Variants in COL12A1 observed in about 807,000 individuals in gnomAD.
COL12A1 encodes the protein collagen alpha-1(XII) chain.
COL12A1 carries 114 observed loss-of-function variants against 349.7 expected under a neutral mutation model. The ratio of observed to expected loss-of-function variants is 0.33; its 90% CI spans 0.28 to 0.38. The LOEUF is 0.38. COL12A1 is among the 10% of genes least tolerant of loss of function. COL12A1 has a pLI of 1.00. For missense variants in COL12A1, 3,284 were observed against 3,756.9 expected (o/e 0.87, Z 3.29); for synonymous variants, 1,369 against 1,329.0 (o/e 1.03, Z -0.66).
intron 49 of COL12A1, among the ~76,000 whole-genome samples, 177 bp downstream of exon 49, chr6:75,115,607 A>C (rs1014736421): frequency 6.6e-5 from 10 of 152,164 alleles, no homozygotes; most frequent in Non-Finnish European, 1.2e-4. Flanking sequence ...TCCTGTGTGC[A>C]AACAACTATG....
At position 75,184,036 on chromosome 6, in the gene COL12A1, G is replaced by A. The variant is rs1253680957; in HGVS notation, c.1106C>T (p.Thr369Ile). ...SPVTGYKVILTPMTAGSRQHA... is the reference protein window; with the variant it reads ...SPVTGYKVILIPMTAGSRQHA... ...CTGTCGGCTTCCTGCAGTCATTGGT[G>A]TGAGGATGACTTTGTAGCCAGTCAC... The change falls in exon 9 of 66, where the codon ACA becomes ATA. Residue 369 changes from threonine to isoleucine, a missense_variant. By Grantham distance (89) the Thr-to-Ile change is moderately conservative. This residue lies in a region of COL12A1 where 2,601 missense variants were observed against 2,824.8 expected (regional missense o/e 0.92). Coordinates refer to ENST00000322507, the MANE Select transcript of COL12A1 (RefSeq NM_004370.6). 11 of 1,614,162 alleles carry A rather than the reference G, an allele frequency of 6.8e-6. No homozygotes were observed. Among genetic ancestry groups the A allele is most frequent in the South Asian group, 1.1e-5 (1 of 91,082 alleles).
intron 59 of COL12A1, 65 bp downstream of exon 59, chr6:75,097,188 A>C: frequency 7.3e-7 from 1 of 1,370,432 alleles, no homozygotes; most frequent in Admixed American, 1.7e-5. Flanking sequence ...AAGGCAGGTT[A>C]CTAGCAAAAT....
intron 5 of COL12A1, among the ~76,000 whole-genome samples, chr6:75,190,809 A>G (rs922371290): frequency 1.3e-5 from 2 of 151,980 alleles, no homozygotes; most frequent in Admixed American, 6.6e-5. Flanking sequence ...AGTTTTGCAC[A>G]CTATTTAATA....
At chr6:75,129,111 A>G (rs187942345) in intron 37 of COL12A1, among the ~76,000 whole-genome samples, 65 of 152,358 alleles carry the variant, frequency 4.3e-4, no homozygotes, top group African/African-American at 1.5e-3. Context: ...GTTTTCGGAA[A>G]GTAAAGGGAA....
chr6:75,198,568 G>A (rs1056570682), intron 2 of COL12A1, among the ~76,000 whole-genome samples: 1 of 151,620 alleles, frequency 6.6e-6, no homozygotes, highest in African/African-American at 2.4e-5. Flanking sequence ...GATGAAATTT[G>A]GTATATTAAC....
chr6:75,118,502 C>G (rs1405375871), intron 46 of COL12A1, among the ~76,000 whole-genome samples: 6 of 152,176 alleles, frequency 3.9e-5, no homozygotes, highest in African/African-American at 1.4e-4. Context: ...GATCTACTTT[C>G]ACCTCTAATG....
chr6:75,176,048 C>T (rs1254265530), intron 12 of COL12A1, among the ~76,000 whole-genome samples: 1 of 152,142 alleles, frequency 6.6e-6, no homozygotes, highest in Non-Finnish European at 1.5e-5. Context: ...TTATGGTACC[C>T]AGCACAAAGA....
chr6:75,164,407 ATTT>A (rs1768178383), intron 14 of COL12A1, among the ~76,000 whole-genome samples: 1 of 152,042 alleles, frequency 6.6e-6, no homozygotes, highest in African/African-American at 2.4e-5. Flanking sequence ...AAATTCCTCT[ATTT>A]CTTTTTTATA....
chr6:75,117,244 T>C, intron 47 of COL12A1, 138 bp downstream of exon 47: 1 of 779,762 alleles, frequency 1.3e-6, no homozygotes, highest in Non-Finnish European at 2.0e-6. Flanking sequence ...ATAGGAACAG[T>C]GATTCATCAG....
rs1219935805 is a variant in COL12A1, at chr6:75,175,170, T to C, written c.2578A>G (p.Thr860Ala). Residue 860 changes from threonine (T) to alanine (A), a missense_variant, in exon 13 of 66, where the codon ACT (threonine) becomes GCT (alanine). Transcript: ENST00000322507. ...GTATTGGTTGTATCTCCCCTCACAG[T>C]GACCTCTTGAGTTTCACCCCCTGCC... ...PVAGGETQEV[T>A]VRGDTTNTVL... is the part of the protein sequence containing the mutation. 3 of 1,614,196 alleles carry C rather than the reference T, an allele frequency of 1.9e-6. No individual in the cohort carries two copies. The highest frequency in any genetic ancestry group is 1.7e-6 in the Non-Finnish European group (2 of 1,180,030).
At chr6:75,117,702 T>A in intron 46 of COL12A1, 156 bp from the exon 47 acceptor site, 1 of 631,408 alleles carries the variant, frequency 1.6e-6, no homozygotes, top group Non-Finnish European at 2.5e-6. Context: ...AATAAATACA[T>A]ACTTTTTCCA....
At chr6:75,149,197 C>A (rs960738298) in intron 21 of COL12A1, among the ~76,000 whole-genome samples, 2 of 152,070 alleles carry the variant, frequency 1.3e-5, no homozygotes, top group Non-Finnish European at 2.9e-5. Flanking sequence ...CTCTCTCTAC[C>A]CTTGTACATA....
chr6:75,146,240 T>C lies in COL12A1; in HGVS notation c.4422A>G (p.Pro1474=), dbSNP rs558383133. 1.3e-4 allele frequency: 201 copies of C among 1,596,984 alleles called. 3 individuals carry two copies. The South Asian group carries it at 2.1e-3, about 17-fold the overall frequency. ...AAATATTCAGGCTGACTACAGGCAC[T>C]GGCACTTCCAAAACAGAAAAGCAGA... ...EPLKGTEKTL[P]VPVVSLNIYD... Residue 1474 remains proline, a synonymous_variant, in exon 24 of 66, where the codon CCA becomes CCG. Coordinates refer to ENST00000322507, the MANE Select transcript of COL12A1 (RefSeq NM_004370.6).
intron 21 of COL12A1, 78 bp from the exon 22 acceptor site, chr6:75,148,575 A>C: frequency 1.6e-6 from 2 of 1,256,738 alleles, no homozygotes; most frequent in Non-Finnish European, 2.3e-6. Flanking sequence ...CATTGAAACA[A>C]TATTATGCTC....
chr6:75,134,168 T>C (rs906712766), intron 32 of COL12A1, among the ~76,000 whole-genome samples, 171 bp from the exon 33 acceptor site: 3 of 152,216 alleles, frequency 2.0e-5, no homozygotes, highest in African/African-American at 7.2e-5. Flanking sequence ...CTGATGCATA[T>C]GTCTCATCTA....
chr6:75,103,666 G>A, intron 55 of COL12A1, 91 bp downstream of exon 55: 1 of 1,038,610 alleles, frequency 9.6e-7, no homozygotes, highest in Non-Finnish European at 1.5e-6. Flanking sequence ...GAGCTGACTT[G>A]CTCAAGATCA....
chr6:75,203,941 G>A (rs1770651748), intron 1 of COL12A1, among the ~76,000 whole-genome samples: 1 of 152,194 alleles, frequency 6.6e-6, no homozygotes, highest in Non-Finnish European at 1.5e-5. Flanking sequence ...ATGAGCCAAA[G>A]GTCGAGGCCT....
chr6:75,156,182 T>C (rs1767752046), intron 15 of COL12A1, 75 bp downstream of exon 15: 5 of 1,505,006 alleles, frequency 3.3e-6, no homozygotes, highest in Non-Finnish European at 4.5e-6. Flanking sequence ...CATTTACAAA[T>C]GAAGTAGACA....
intron 16 of COL12A1, 117 bp from the exon 17 acceptor site, chr6:75,154,654 T>A: frequency 9.5e-7 from 1 of 1,049,120 alleles, no homozygotes; most frequent in Non-Finnish European, 1.3e-6. Flanking sequence ...TATGAAGAGT[T>A]TATAGTGTAC....
Sources: gnomAD v4.1 joint callset for allele counts (sites outside exome capture counted in the v4.1 genomes callset) on GRCh38, gnomAD v4.1.1 for gene constraint, gnomAD v4.1.1 regional missense constraint, MANE v1.5 for transcripts, NCBI Gene and HGNC (gene_info 2026-07-23, HGNC 2026-07-21) for gene names.